Variants in NPAT observed in about 807,000 individuals in gnomAD.
The protein encoded by NPAT is protein NPAT.
NPAT carries 52 observed loss-of-function variants against 130.7 expected under a neutral mutation model. That is an observed-to-expected ratio of 0.40 (90% CI 0.32 to 0.50). NPAT has a LOEUF of 0.50. Among genes scored for constraint, NPAT ranks in the 20% least tolerant of loss-of-function variants. NPAT has a pLI of 0.68. For missense variants in NPAT, 1,687 were observed against 1,662.6 expected (o/e 1.01, Z -0.26); for synonymous variants, 580 against 584.8 (o/e 0.99, Z 0.12).
chr11:108,174,511 A>C (rs1045900523), intron 12 of NPAT, among the ~76,000 whole-genome samples: 2 of 151,860 alleles, frequency 1.3e-5, no homozygotes, highest in African/African-American at 4.8e-5. Context: ...CAGCATAGGA[A>C]CAAAAGGTAC....
At position 108,161,482 on chromosome 11, in the gene NPAT, C is replaced by T; in HGVS notation, c.3604G>A (p.Ala1202Thr). 6.2e-7 allele frequency: 1 copy of T among 1,614,184 alleles called. No individual in the cohort carries two copies. Among genetic ancestry groups the T allele is most frequent in the South Asian group, 1.1e-5 (1 of 91,084 alleles). The change falls in exon 17 of 18, where the codon GCT (alanine) becomes ACT (threonine). Residue 1202 changes from alanine (A) to threonine (T), a missense_variant. This residue lies in a region of NPAT where 1,379 missense variants were observed against 1,346.6 expected (regional missense o/e 1.02). Transcript: ENST00000278612. ...TTTTTGGTCATTTCTTGCAGTGAAG[C>T]TATAGATTTCTCACTTCGCAAACCC... ...NGGLRSEKSI[A>T]SLQEMTKKQG...
chr11:108,222,389 TG>T, intron 1 of NPAT, 110 bp downstream of exon 1: 1 of 1,140,928 alleles, frequency 8.8e-7, no homozygotes, highest in Non-Finnish European at 1.3e-6. Context: ...ACTCGTAAGC[TG>T]GGAGGCAAAA....
At chr11:108,167,043 A>G (rs1225199470) in intron 15 of NPAT, among the ~76,000 whole-genome samples, 1 of 152,164 alleles carries the variant, frequency 6.6e-6, no homozygotes, top group Admixed American at 6.5e-5. Flanking sequence ...TATAACACTT[A>G]ATAGGTGTTT....
At chr11:108,193,089 T>C (rs1321708108) in intron 3 of NPAT, among the ~76,000 whole-genome samples, 1 of 152,244 alleles carries the variant, frequency 6.6e-6, no homozygotes, top group Non-Finnish European at 1.5e-5. Context: ...GCGAATTCTT[T>C]AGTGCTAATT....
Position 108,188,111 on chromosome 11 carries a change from C to T in NPAT, c.625G>A (p.Gly209Ser), listed in dbSNP as rs745615346. The change falls in exon 7 of 18, where the codon GGT (glycine) becomes AGT (serine). Residue 209 changes from glycine to serine, a missense_variant. This residue lies in a region of NPAT where 307 missense variants were observed against 298.9 expected (regional missense o/e 1.03). Transcript: ENST00000278612. ...AAAAGCATTTACCTTTTGCGTCTAC[C>T]GGGAGACATTAAACTGGCATGTGCT... Reference protein sequence around the residue: ...KKAHASLMSPGRRKSESQRKS... With the variant: ...KKAHASLMSPSRRKSESQRKS... The T allele has an allele frequency of 2.9e-5, 47 of 1,611,604 alleles. No individual in the cohort carries two copies. Among genetic ancestry groups the T allele is most frequent in the South Asian group, 6.6e-5 (6 of 91,006 alleles).
At chr11:108,195,888 A>G (rs1308639577) in intron 2 of NPAT, among the ~76,000 whole-genome samples, 2 of 152,216 alleles carry the variant, frequency 1.3e-5, no homozygotes, top group African/African-American at 4.8e-5. Context: ...GGGCCTCCCA[A>G]AGTGCTGGGA....
intron 8 of NPAT, among the ~76,000 whole-genome samples, chr11:108,186,105 C>A (rs529898920): frequency 1.3e-5 from 2 of 152,042 alleles, no homozygotes; most frequent in Non-Finnish European, 2.9e-5. Context: ...CAGCCTTGAC[C>A]TCCCAGGCTC....
chr11:108,218,446 A>G (rs1327284516), intron 1 of NPAT, among the ~76,000 whole-genome samples: 1 of 152,232 alleles, frequency 6.6e-6, no homozygotes, highest in Non-Finnish European at 1.5e-5. Context: ...ATTATTTCCT[A>G]GAAAGATTAG....
chr11:108,176,789 A>C (rs1014535813), intron 11 of NPAT, among the ~76,000 whole-genome samples: 1 of 152,248 alleles, frequency 6.6e-6, no homozygotes, highest in Non-Finnish European at 1.5e-5. Flanking sequence ...AATAAAAAAC[A>C]AAACTACTCT....
At chr11:108,163,674 T>A (rs1040445145) in intron 15 of NPAT, among the ~76,000 whole-genome samples, 3 of 152,204 alleles carry the variant, frequency 2.0e-5, no homozygotes, top group African/African-American at 7.2e-5. Context: ...GGCCTTGAGT[T>A]ACACAAAATT....
intron 1 of NPAT, among the ~76,000 whole-genome samples, chr11:108,198,614 G>A (rs2078246448): frequency 6.6e-6 from 1 of 151,840 alleles, no homozygotes; most frequent in South Asian, 2.1e-4. Context: ...ACCAGAGTGA[G>A]AACTTCCTAG....
At chr11:108,218,388 A>G (rs1008896186) in intron 1 of NPAT, among the ~76,000 whole-genome samples, 8 of 152,252 alleles carry the variant, frequency 5.3e-5, no homozygotes, top group African/African-American at 1.9e-4. Context: ...TAAAGCAAGC[A>G]AGAGATAGTA....
intron 1 of NPAT, among the ~76,000 whole-genome samples, chr11:108,216,669 T>C (rs2078438371): frequency 2.0e-5 from 3 of 151,190 alleles, no homozygotes; most frequent in Non-Finnish European, 4.4e-5. Context: ...TCATTACAGA[T>C]AATTCATGGC....
intron 15 of NPAT, among the ~76,000 whole-genome samples, chr11:108,163,747 A>G (rs758330003): frequency 2.0e-5 from 3 of 152,212 alleles, no homozygotes; most frequent in Non-Finnish European, 2.9e-5. Flanking sequence ...ACAGTTATAG[A>G]GAAAGCAAAG....
At chr11:108,216,802 A>G (rs2078439460) in intron 1 of NPAT, among the ~76,000 whole-genome samples, 1 of 152,156 alleles carries the variant, frequency 6.6e-6, no homozygotes, top group African/African-American at 2.4e-5. Flanking sequence ...TCTAGGATAC[A>G]TTATCTTCTG....
chr11:108,201,616 C>G (rs1345767103), intron 1 of NPAT, among the ~76,000 whole-genome samples: 1 of 152,222 alleles, frequency 6.6e-6, no homozygotes, highest in Non-Finnish European at 1.5e-5. Flanking sequence ...TGCCTCCGGG[C>G]AGTCACAGCA....
At chr11:108,201,757 A>G (rs1434229636) in intron 1 of NPAT, among the ~76,000 whole-genome samples, 2 of 152,178 alleles carry the variant, frequency 1.3e-5, no homozygotes, top group Non-Finnish European at 2.9e-5. Flanking sequence ...CATCTCCTCA[A>G]ATATTAAGCT....
chr11:108,176,176 TTTC>T (rs2078004125), intron 12 of NPAT, 67 bp downstream of exon 12: 1 of 1,170,358 alleles, frequency 8.5e-7, no homozygotes, highest in South Asian at 1.3e-5. Context: ...AAATTAATAT[TTTC>T]TGCCTTTGAA....
intron 5 of NPAT, among the ~76,000 whole-genome samples, chr11:108,189,865 G>T (rs1020382280): frequency 7.4e-5 from 10 of 135,032 alleles, no homozygotes; most frequent in African/African-American, 2.8e-4. Context: ...GCGAGACTCC[G>T]TCTCAAAAAA....
Sources: allele counts gnomAD v4.1 joint callset (sites outside exome capture counted in the v4.1 genomes callset), GRCh38; gene constraint gnomAD v4.1.1; regional missense constraint gnomAD v4.1.1; transcripts MANE v1.5; gene names NCBI Gene and HGNC (gene_info 2026-07-23, HGNC 2026-07-21).